CCSER1: variants seen among roughly 807,000 people sequenced by gnomAD.
CCSER1 encodes coiled-coil serine rich protein 1.
CCSER1 carries 41 observed loss-of-function variants against 82.0 expected under a neutral mutation model. The observed-to-expected ratio is 0.50, with a 90% confidence interval of 0.39 to 0.65. The LOEUF is 0.65. CCSER1 is among the 30% of genes least tolerant of loss of function. The probability of loss-of-function intolerance (pLI) is 0.00; values close to 1 mark genes in which losing one functional copy is unlikely to be tolerated. For synonymous variants in CCSER1, 414 were observed against 383.9 expected (o/e 1.08, Z -0.92); for missense variants, 1,119 against 1,064.2 (o/e 1.05, Z -0.72).
At chr4:91,445,412 T>TTTTTTTTTTTTTTTTTTTTTTTTTTC (rs1553938433) in intron 10 of CCSER1, among the ~76,000 whole-genome samples, 1 of 147,798 alleles carries the variant, frequency 6.8e-6, no homozygotes. Flanking sequence ...TTTTCTCATT[T>TTTTTTTTTTTTTTTTTTTTTTTTTTC]TAGCCATCTT....
chr4:90,846,833 G>C (rs1355021497), intron 8 of CCSER1, among the ~76,000 whole-genome samples: 2 of 152,054 alleles, frequency 1.3e-5, no homozygotes, highest in Non-Finnish European at 2.9e-5. Context: ...ATTTTTAGTA[G>C]AGATGGGATT....
At chr4:91,292,173 T>A (rs1743800097) in intron 10 of CCSER1, among the ~76,000 whole-genome samples, 1 of 151,986 alleles carries the variant, frequency 6.6e-6, no homozygotes, top group South Asian at 2.1e-4. Context: ...AGAACACAGC[T>A]TGTTTGAGGA....
At chr4:91,440,579 C>G (rs1578461518) in intron 10 of CCSER1, among the ~76,000 whole-genome samples, 1 of 152,100 alleles carries the variant, frequency 6.6e-6, no homozygotes. Context: ...CAACAGCAAA[C>G]ACATTCAAAA....
rs1235480596 is a variant in CCSER1, at chr4:91,269,177, A to G, written c.2217+183183A>G. Among the ~76,000 whole-genome samples, 4 of 152,242 alleles carry G rather than the reference A, an allele frequency of 2.6e-5. No individual in the cohort carries two copies. In the East Asian group the frequency reaches 7.7e-4, roughly 29 times the overall value. ...AACAGATTGAAGGCATGCCTTGGGC[A>G]GGTCTATGCTCCAAAAGGGATTTTA... On this transcript the variant is annotated intron_variant, in intron 10 of 10. Coordinates refer to ENST00000509176, the MANE Select transcript of CCSER1 (RefSeq NM_001145065.2).
intron 1 of CCSER1, among the ~76,000 whole-genome samples, chr4:90,202,069 A>G (rs1037204972): frequency 6.6e-6 from 1 of 152,208 alleles, no homozygotes; most frequent in Non-Finnish European, 1.5e-5. Context: ...TAAGTATAAT[A>G]GTAATCTTTC....
At chr4:91,464,190 G>A (rs929570502) in intron 10 of CCSER1, among the ~76,000 whole-genome samples, 1 of 116,844 alleles carries the variant, frequency 8.6e-6, no homozygotes, top group Admixed American at 8.8e-5. Context: ...AGAGAGTGGG[G>A]GCCAATATTC....
At chr4:91,469,644 A>G (rs571150710) in intron 10 of CCSER1, among the ~76,000 whole-genome samples, 15 of 152,290 alleles carry the variant, frequency 9.8e-5, no homozygotes, top group African/African-American at 2.9e-4. Flanking sequence ...CAAATACTCA[A>G]TGCTCTGTGT....
intron 1 of CCSER1, among the ~76,000 whole-genome samples, chr4:90,135,198 C>A (rs1018208464): frequency 5.3e-5 from 8 of 152,168 alleles, no homozygotes; most frequent in African/African-American, 1.7e-4. Context: ...CCTTTGATAA[C>A]TCAACTCTAA....
intron 9 of CCSER1, among the ~76,000 whole-genome samples, chr4:90,989,078 G>T (rs1361331833): frequency 6.6e-6 from 1 of 151,696 alleles, no homozygotes; most frequent in Admixed American, 6.6e-5. Flanking sequence ...CATACAGTTT[G>T]CTAAGGCTTT....
At chr4:90,947,534 G>A (rs1732402983) in intron 9 of CCSER1, among the ~76,000 whole-genome samples, 1 of 151,934 alleles carries the variant, frequency 6.6e-6, no homozygotes, top group Admixed American at 6.6e-5. Context: ...ATTTCTACTT[G>A]CAATCAATGC....
intron 5 of CCSER1, among the ~76,000 whole-genome samples, chr4:90,499,978 C>T (rs1471757143): frequency 1.3e-5 from 2 of 152,132 alleles, no homozygotes; most frequent in African/African-American, 2.4e-5. Context: ...CAATTTTATA[C>T]ACTACATAAA....
chr4:91,373,191 C>T (rs1267490277), intron 10 of CCSER1, among the ~76,000 whole-genome samples: 1 of 151,722 alleles, frequency 6.6e-6, no homozygotes, highest in Non-Finnish European at 1.5e-5. Context: ...CCACATTTCT[C>T]CCGGTGCCAA....
At chr4:90,226,264 A>G (rs1214504499) in intron 1 of CCSER1, among the ~76,000 whole-genome samples, 2 of 152,368 alleles carry the variant, frequency 1.3e-5, no homozygotes, top group East Asian at 3.9e-4. Context: ...GCAGATACAC[A>G]GTCATGTTAA....
intron 4 of CCSER1, among the ~76,000 whole-genome samples, chr4:90,443,655 T>C (rs977005212): frequency 1.3e-5 from 2 of 152,140 alleles, no homozygotes; most frequent in Non-Finnish European, 2.9e-5. Flanking sequence ...GGATAAAATA[T>C]ATTTTATATT....
At chr4:90,909,668 GC>G (rs1726029435) in intron 8 of CCSER1, among the ~76,000 whole-genome samples, 1 of 152,040 alleles carries the variant, frequency 6.6e-6, no homozygotes, top group South Asian at 2.1e-4. Context: ...CTAACTCAAA[GC>G]CATCTCTTTT....
At chr4:91,309,352 A>ATG (rs5860229) in intron 10 of CCSER1, among the ~76,000 whole-genome samples, 117,460 of 151,358 alleles carry the variant, frequency 0.78, 45,650 homozygotes, top group Middle Eastern at 0.85. Context: ...GTAAAAATGT[A>ATG]TGTGTGTGTG....
chr4:90,562,768 A>G (rs1037676385), intron 5 of CCSER1, among the ~76,000 whole-genome samples: 4 of 150,346 alleles, frequency 2.7e-5, no homozygotes, highest in Non-Finnish European at 5.9e-5. Flanking sequence ...AAACTCTTGG[A>G]CTCAAGCAGT....
chr4:90,675,235 T>A (rs1182855625), intron 6 of CCSER1, among the ~76,000 whole-genome samples: 2 of 152,002 alleles, frequency 1.3e-5, no homozygotes, highest in African/African-American at 2.4e-5. Flanking sequence ...TCAATAAATA[T>A]CAACTATTAT....
At chr4:90,918,306 A>C (rs1174971348) in intron 8 of CCSER1, 2 of 451,748 alleles carry the variant, frequency 4.4e-6, no homozygotes, top group Admixed American at 2.4e-5. Flanking sequence ...CTTGTTGATA[A>C]ATTTCATCAA....
Sources: gnomAD v4.1 joint callset for allele counts (sites outside exome capture counted in the v4.1 genomes callset) on GRCh38, gnomAD v4.1.1 for gene constraint, MANE v1.5 for transcripts, NCBI Gene and HGNC (gene_info 2026-07-23, HGNC 2026-07-21) for gene names.